IL1RAPL2: variants seen among roughly 807,000 people sequenced by gnomAD.
The protein encoded by IL1RAPL2 is interleukin 1 receptor accessory protein like 2.
Under a neutral mutation model 44.1 loss-of-function variants are expected in IL1RAPL2, and 3 were observed. The observed-to-expected ratio is 0.07, with a 90% confidence interval of 0.03 to 0.18. The LOEUF is 0.18. Among genes scored for constraint, IL1RAPL2 ranks in the 10% least tolerant of loss-of-function variants. The probability of loss-of-function intolerance (pLI) is 1.00; values close to 1 mark genes in which losing one functional copy is unlikely to be tolerated. For missense variants in IL1RAPL2, 391 were observed against 496.4 expected, an observed-to-expected ratio of 0.79 and a Z score of 2.02; for synonymous variants, 181 against 178.8, an observed-to-expected ratio of 1.01 and a Z score of -0.10.
intron 4 of IL1RAPL2, among the ~76,000 whole-genome samples, chrX:105,255,279 A>G (rs1274693373): frequency 9.0e-6 from 1 of 111,550 alleles, no homozygotes; most frequent in Non-Finnish European, 1.9e-5. Flanking sequence ...CTATACACCT[A>G]GGTATTTTAT....
At chrX:104,824,208 G>A (rs1209681744) in intron 2 of IL1RAPL2, among the ~76,000 whole-genome samples, 2 of 112,052 alleles carry the variant, frequency 1.8e-5, no homozygotes, top group African/African-American at 6.5e-5. Flanking sequence ...TGCATATGTT[G>A]AATCAGCCTT....
chrX:105,688,620 T>A (rs995838547), intron 6 of IL1RAPL2, among the ~76,000 whole-genome samples: 3 of 111,798 alleles, frequency 2.7e-5, no homozygotes, highest in African/African-American at 9.8e-5. Context: ...AGAGGAAGAA[T>A]CAATATCATG....
intron 4 of IL1RAPL2, among the ~76,000 whole-genome samples, chrX:105,237,216 C>A (rs936640092): frequency 1.8e-5 from 2 of 111,276 alleles, no homozygotes; most frequent in Non-Finnish European, 3.8e-5. Flanking sequence ...ATGGTGTATA[C>A]CCACATTTTC....
intron 2 of IL1RAPL2, among the ~76,000 whole-genome samples, chrX:104,707,703 T>G (rs962200435): frequency 9.0e-6 from 1 of 111,528 alleles, no homozygotes. Context: ...CTTAAGTGTT[T>G]TGAATGATGT....
At chrX:104,994,019 A>G (rs1475078953) in intron 2 of IL1RAPL2, among the ~76,000 whole-genome samples, 1 of 111,985 alleles carries the variant, frequency 8.9e-6, no homozygotes, top group Non-Finnish European at 1.9e-5. Flanking sequence ...CTACCCTATA[A>G]TCCAACTTCC....
At chrX:105,566,462 C>G (rs1270694200) in intron 6 of IL1RAPL2, among the ~76,000 whole-genome samples, 6 of 111,594 alleles carry the variant, frequency 5.4e-5, no homozygotes, top group Non-Finnish European at 1.1e-4. Context: ...GCCATCTGCT[C>G]TATTTCTTCA....
intron 2 of IL1RAPL2, among the ~76,000 whole-genome samples, chrX:105,138,899 A>G (rs976722885): frequency 1.8e-5 from 2 of 111,329 alleles, no homozygotes; most frequent in Admixed American, 9.6e-5. Flanking sequence ...CTGTGAGACT[A>G]TCATTCCTGG....
At chrX:105,597,558 G>T (rs1000609703) in intron 6 of IL1RAPL2, among the ~76,000 whole-genome samples, 2 of 110,959 alleles carry the variant, frequency 1.8e-5, no homozygotes, top group Non-Finnish European at 3.8e-5. Context: ...GAGCGAGGAG[G>T]GGGGAGGTGC....
intron 6 of IL1RAPL2, among the ~76,000 whole-genome samples, chrX:105,500,554 G>T (rs979322246): frequency 7.2e-5 from 8 of 111,255 alleles, no homozygotes; most frequent in African/African-American, 2.3e-4. Context: ...GCTGGGGCAA[G>T]TATTACAATC....
intron 2 of IL1RAPL2, among the ~76,000 whole-genome samples, chrX:104,708,461 G>C (rs747737329): frequency 3.9e-4 from 43 of 110,495 alleles, no homozygotes; most frequent in Non-Finnish European, 6.1e-4. Context: ...TCTGTAATGG[G>C]GAGACCTTTT....
At chrX:105,021,190 G>T (rs748784001) in intron 2 of IL1RAPL2, among the ~76,000 whole-genome samples, 1 of 111,322 alleles carries the variant, frequency 9.0e-6, no homozygotes, top group African/African-American at 3.3e-5. Flanking sequence ...GCAAGGTCAG[G>T]GTCTCCAACA....
At chrX:104,873,220 T>C (rs1427520272) in intron 2 of IL1RAPL2, among the ~76,000 whole-genome samples, 3 of 111,085 alleles carry the variant, frequency 2.7e-5, no homozygotes, top group Admixed American at 9.6e-5. Context: ...AAGAGAGCTC[T>C]GTGAGGTAAC....
At chrX:105,556,792 G>C (rs1178485607) in intron 6 of IL1RAPL2, among the ~76,000 whole-genome samples, 2 of 111,704 alleles carry the variant, frequency 1.8e-5, no homozygotes, top group Admixed American at 1.9e-4. Context: ...TTTAGTGGAA[G>C]ATTTACCCTG....
chrX:105,390,783 G>A (rs761042155), intron 5 of IL1RAPL2, among the ~76,000 whole-genome samples: 6 of 110,600 alleles, frequency 5.4e-5, no homozygotes, highest in South Asian at 3.9e-4. Context: ...AAGTATCTGC[G>A]GCATACGTTT....
chrX:105,077,855 A>T (rs1339764309), intron 2 of IL1RAPL2, among the ~76,000 whole-genome samples: 5 of 111,682 alleles, frequency 4.5e-5, no homozygotes, highest in African/African-American at 1.6e-4. Flanking sequence ...TTGTGCATTC[A>T]TCGTGTAGTT....
chrX:105,614,054 G>A (rs1445083410), intron 6 of IL1RAPL2, among the ~76,000 whole-genome samples: 1 of 111,588 alleles, frequency 9.0e-6, no homozygotes, highest in Non-Finnish European at 1.9e-5. Context: ...ATCTGAAAAA[G>A]AAACCAAGAA....
intron 2 of IL1RAPL2, among the ~76,000 whole-genome samples, chrX:104,753,089 G>A (rs1172122389): frequency 1.8e-5 from 2 of 108,522 alleles, no homozygotes; most frequent in Non-Finnish European, 3.8e-5. Flanking sequence ...GCTATACTGG[G>A]CTTGTCTACT....
intron 3 of IL1RAPL2, among the ~76,000 whole-genome samples, chrX:105,213,051 C>T (rs190097995): frequency 7.0e-4 from 78 of 110,751 alleles, no homozygotes; most frequent in South Asian, 1.6e-3. Context: ...CTGAAAATTC[C>T]AAAAGCCAGA....
chrX:104,753,492 T>G (rs1362262635), intron 2 of IL1RAPL2, among the ~76,000 whole-genome samples: 1 of 111,304 alleles, frequency 9.0e-6, no homozygotes, highest in African/African-American at 3.3e-5. Context: ...AACATCCGAG[T>G]ATTTTTCTTT....
Sources: gnomAD v4.1 joint callset for allele counts (sites outside exome capture counted in the v4.1 genomes callset) on GRCh38, gnomAD v4.1.1 for gene constraint, MANE v1.5 for transcripts, NCBI Gene and HGNC (gene_info 2026-07-23, HGNC 2026-07-21) for gene names.